The following SLX4IP variants were observed in gnomAD, a reference collection of about 807,000 sequenced individuals.
SLX4IP encodes SLX4 interacting protein, also known as protein SLX4IP.
SLX4IP carries 34 observed loss-of-function variants against 32.9 expected under a neutral mutation model. That is an observed-to-expected ratio of 1.03 (90% CI 0.79 to 1.38). SLX4IP has a LOEUF of 1.38. Ranked by LOEUF, SLX4IP falls within the 40% of genes most tolerant of loss-of-function variation. The probability of loss-of-function intolerance (pLI) is 0.00; values close to 1 mark genes in which losing one functional copy is unlikely to be tolerated. For synonymous variants in SLX4IP, 172 were observed against 171.7 expected (o/e 1.00, Z -0.01); for missense variants, 444 against 479.0 (o/e 0.93, Z 0.68).
chr20:10,499,229 A>C (rs982031294), intron 2 of SLX4IP, among the ~76,000 whole-genome samples: 2 of 152,176 alleles, frequency 1.3e-5, no homozygotes, highest in Non-Finnish European at 2.9e-5. Context: ...AATGACAGAC[A>C]CTTGTCTATC....
intron 2 of SLX4IP, among the ~76,000 whole-genome samples, chr20:10,546,044 A>G (rs2066159084): frequency 6.6e-6 from 1 of 152,246 alleles, no homozygotes; most frequent in African/African-American, 2.4e-5. Flanking sequence ...ATGCCTCATG[A>G]TCACACATGT....
chr20:10,587,584 T>G (rs2066660492), intron 4 of SLX4IP, among the ~76,000 whole-genome samples: 1 of 152,010 alleles, frequency 6.6e-6, no homozygotes, highest in African/African-American at 2.4e-5. Flanking sequence ...TAAATATACA[T>G]ACAAATTACT....
chr20:10,559,118 A>T (rs990095232), intron 3 of SLX4IP, among the ~76,000 whole-genome samples: 6 of 151,240 alleles, frequency 4.0e-5, no homozygotes, highest in Non-Finnish European at 7.4e-5. Context: ...AAATTCTTTA[A>T]TTGTTTTTTA....
chr20:10,592,782 G>A (rs772044506), intron 4 of SLX4IP, among the ~76,000 whole-genome samples: 2 of 151,498 alleles, frequency 1.3e-5, no homozygotes, highest in Non-Finnish European at 2.9e-5. Flanking sequence ...CTACAGGTGC[G>A]TGCCACCACG....
At chr20:10,533,561 G>A (rs954295804) in intron 2 of SLX4IP, among the ~76,000 whole-genome samples, 2 of 148,744 alleles carry the variant, frequency 1.3e-5, no homozygotes, top group East Asian at 2.0e-4. Flanking sequence ...CAGGTGATCC[G>A]CCTGCCTCAG....
At position 10,626,236 on chromosome 20, in the gene SLX4IP, G is replaced by A. The variant is rs1328086607; in HGVS notation, c.*2857G>A. On this transcript the variant is annotated 3_prime_UTR_variant, in exon 8 of 8. Transcript: ENST00000334534. ...TTTTTAGCAGAAACGGGTTTTCACCGTGTTGGCCAGGGTGGTCTCGATCTC... is the reference window on the plus strand; with the variant it reads ...TTTTTAGCAGAAACGGGTTTTCACCATGTTGGCCAGGGTGGTCTCGATCTC... The A allele has an allele frequency of 8.6e-4, 105 of 122,130 alleles. No individual in the cohort carries two copies. Among genetic ancestry groups the A allele is most frequent in the Middle Eastern group, 6.3e-3 (1 of 160 alleles). The allele number at this position is 122,130 out of a possible 1,614,324, so 7.6% of individuals were successfully genotyped here. A position where few individuals can be genotyped will look rare whatever the true frequency, so the allele number is the denominator to read the frequency against.
At chr20:10,533,951 A>G (rs1303763203) in intron 2 of SLX4IP, among the ~76,000 whole-genome samples, 4 of 151,926 alleles carry the variant, frequency 2.6e-5, no homozygotes, top group Non-Finnish European at 4.4e-5. Context: ...TTCACCATTA[A>G]TTTTGTGTTG....
chr20:10,446,277 T>C (rs1031307642), intron 1 of SLX4IP, among the ~76,000 whole-genome samples: 9 of 151,792 alleles, frequency 5.9e-5, no homozygotes, highest in Non-Finnish European at 8.8e-5. Flanking sequence ...CCAGGTGTGG[T>C]GGCAGGCACC....
At chr20:10,586,307 T>C (rs1362525127) in intron 4 of SLX4IP, among the ~76,000 whole-genome samples, 1 of 152,202 alleles carries the variant, frequency 6.6e-6, no homozygotes, top group Admixed American at 6.5e-5. Flanking sequence ...GTTCCAGCAG[T>C]ATGGGCAGGG....
At chr20:10,441,733 T>TTTG (rs1314638007) in intron 1 of SLX4IP, among the ~76,000 whole-genome samples, 1 of 149,706 alleles carries the variant, frequency 6.7e-6, no homozygotes. Flanking sequence ...TTGTTTTTGT[T>TTTG]TTTTTTTTTA....
At chr20:10,449,001 A>G (rs532812775) in intron 1 of SLX4IP, among the ~76,000 whole-genome samples, 69 of 152,296 alleles carry the variant, frequency 4.5e-4, no homozygotes, top group African/African-American at 1.4e-3. Flanking sequence ...CTGCTCACAT[A>G]TGAGTGTGTA....
chr20:10,614,872 A>G (rs2067008461), intron 6 of SLX4IP, among the ~76,000 whole-genome samples: 1 of 152,210 alleles, frequency 6.6e-6, no homozygotes, highest in African/African-American at 2.4e-5. Context: ...CACTGGCCAC[A>G]TTTGACTATG....
intron 3 of SLX4IP, among the ~76,000 whole-genome samples, chr20:10,557,646 G>A (rs146605518): frequency 0.011 from 1,632 of 152,278 alleles, 32 homozygotes; most frequent in African/African-American, 0.037. Flanking sequence ...ACAATGTTAT[G>A]GAATCCACCA....
intron 1 of SLX4IP, among the ~76,000 whole-genome samples, chr20:10,448,457 A>G (rs2065218564): frequency 6.6e-6 from 1 of 152,236 alleles, no homozygotes; most frequent in Non-Finnish European, 1.5e-5. Flanking sequence ...TCATCATTAT[A>G]GAAACCCTAA....
chr20:10,496,979 A>G (rs1400449010), intron 2 of SLX4IP, among the ~76,000 whole-genome samples: 1 of 152,178 alleles, frequency 6.6e-6, no homozygotes, highest in Non-Finnish European at 1.5e-5. Context: ...TGTTTTCTTA[A>G]TATAAAATGA....
At chr20:10,472,371 C>T (rs1033161823) in intron 2 of SLX4IP, among the ~76,000 whole-genome samples, 5 of 151,992 alleles carry the variant, frequency 3.3e-5, no homozygotes, top group African/African-American at 9.7e-5. Flanking sequence ...GCTGGGACTA[C>T]AGTCGCCTGC....
At chr20:10,539,310 G>T (rs2066078706) in intron 2 of SLX4IP, among the ~76,000 whole-genome samples, 1 of 152,204 alleles carries the variant, frequency 6.6e-6, no homozygotes, top group South Asian at 2.1e-4. Flanking sequence ...TCAAATAGTT[G>T]TAGGATTGTC....
At chr20:10,541,790 A>G (rs1437264294) in intron 2 of SLX4IP, among the ~76,000 whole-genome samples, 1 of 152,202 alleles carries the variant, frequency 6.6e-6, no homozygotes, top group Non-Finnish European at 1.5e-5. Context: ...GAATTTAATC[A>G]TAACATCTCT....
At chr20:10,514,215 T>C (rs1316317956) in intron 2 of SLX4IP, among the ~76,000 whole-genome samples, 4 of 152,182 alleles carry the variant, frequency 2.6e-5, no homozygotes, top group Non-Finnish European at 5.9e-5. Flanking sequence ...TGAATATGCC[T>C]CCTGGCCCCA....
Sources: gnomAD v4.1 joint callset for allele counts (sites outside exome capture counted in the v4.1 genomes callset) on GRCh38, gnomAD v4.1.1 for gene constraint, MANE v1.5 for transcripts, NCBI Gene and HGNC (gene_info 2026-07-23, HGNC 2026-07-21) for gene names.